CYP4A11: variants seen among roughly 807,000 people sequenced by gnomAD.
CYP4A11 encodes the protein cytochrome P450 family 4 subfamily A member 11, also known as cytochrome P450 4A11.
CYP4A11 carries 52 observed loss-of-function variants against 57.7 expected under a neutral mutation model. The observed-to-expected ratio is 0.90, with a 90% CI of 0.72 to 1.14. The LOEUF (loss-of-function observed/expected upper bound fraction) is 1.14, where lower values mean the gene tolerates loss of function less well. Among genes scored for constraint, CYP4A11 ranks in the 50% most tolerant of loss-of-function variants. The pLI is 0.00. For synonymous variants in CYP4A11, 228 were observed against 247.1 expected (o/e 0.92, Z 0.72); for missense variants, 641 against 642.1 (o/e 1.00, Z 0.02).
rs1177195549 is a variant in CYP4A11, at chr1:46,935,648, C to T, written c.511-1G>A. On this transcript the variant is annotated splice_acceptor_variant, in intron 4 of 11. Coordinates refer to ENST00000310638, the MANE Select transcript of CYP4A11 (RefSeq NM_000778.4). LOFTEE classifies it high-confidence loss of function. The stretch of plus-strand genomic sequence containing the variant: ...GGCCAAGGAGCTCTTCCCATTTGTC[C>T]TGTGGTGGGAGGGGGCATGGACCTT... 6.2e-7 allele frequency: 1 copy of T among 1,612,662 alleles called. No individual in the cohort carries two copies. The highest frequency in any genetic ancestry group is 8.5e-7 in the Non-Finnish European group (1 of 1,179,304).
chr1:46,933,950 G>C lies in CYP4A11; in HGVS notation c.1218C>G (p.Pro406=). 6.2e-7 allele frequency: 1 copy of C among 1,614,114 alleles called. No individual in the cohort carries two copies. The highest frequency in any genetic ancestry group is 8.5e-7 in the Non-Finnish European group (1 of 1,180,018). The change falls in exon 9 of 12, where the codon CCC becomes CCG. Residue 406 remains proline (P), a synonymous_variant. Transcript: ENST00000310638. ...PVTFPDGRSL[P]KGIMVLLSIY... ...GAGGGTGGGGGAACTTCATACCTTT[G>C]GGCAAGGAGCGCCCATCAGGGAAGG...
intron 11 of CYP4A11, chr1:46,932,229 C>A (rs1341963984): frequency 1.0e-6 from 1 of 997,458 alleles, no homozygotes; most frequent in Admixed American, 5.3e-5. Context: ...CTACCTTAAC[C>A]TCTCCCTTAT....
In CYP4A11 at chr1:46,941,375, T is replaced by G; in HGVS notation, c.59A>C (p.Gln20Pro). 6.2e-7 allele frequency: 1 copy of G among 1,614,170 alleles called. No individual in the cohort carries two copies. The highest frequency in any genetic ancestry group is 8.5e-7 in the Non-Finnish European group (1 of 1,180,028). The change falls in exon 1 of 12, where the codon CAA (glutamine) becomes CCA (proline). Residue 20 changes from glutamine (Q) to proline (P), a missense_variant. By Grantham distance (76) the Gln-to-Pro change is moderately conservative (BLOSUM62 -1). Transcript: ENST00000310638. ...RLLGDVSGIL[Q>P]AASLLILLLL... The stretch of plus-strand genomic sequence containing the variant: ...AAGCAGAATGAGCAGGGAGGCCGCT[T>G]GGAGGATTCCAGAGACATCACCCAG...
At chr1:46,932,485 C>A in intron 11 of CYP4A11, 1 of 1,319,174 alleles carries the variant, frequency 7.6e-7, no homozygotes, top group Non-Finnish European at 9.7e-7. Flanking sequence ...GAGGAAAATA[C>A]ATGAATATAC....
Position 46,934,047 on chromosome 1 carries a change from A to G in CYP4A11, c.1121T>C (p.Met374Thr). 6.2e-7 allele frequency: 1 copy of G among 1,613,724 alleles called. No homozygotes were observed. Residue 374 changes from methionine (M) to threonine (T), a missense_variant, in exon 9 of 12, where the codon ATG (methionine) becomes ACG (threonine). Coordinates refer to ENST00000310638, the MANE Select transcript of CYP4A11 (RefSeq NM_000778.4). Reference protein sequence around the residue: ...NHLDQMPYTTMCIKEALRLYP... With the variant: ...NHLDQMPYTTTCIKEALRLYP... ...GAGCCTCAGTGCCTCCTTAATGCAC[A>G]TGGTGGTGTAGGGCATCTGGTCCAG... is the stretch of plus-strand genomic sequence containing the variant.
At chr1:46,936,592 G>T in intron 4 of CYP4A11, 72 bp downstream of exon 4, 1 of 1,503,044 alleles carries the variant, frequency 6.7e-7, no homozygotes, top group Non-Finnish European at 8.9e-7. Flanking sequence ...GTGGGACACA[G>T]GGTTGAGAGT....
At position 46,932,993 on chromosome 1, in the gene CYP4A11, G is replaced by A; in HGVS notation, c.1277C>T (p.Pro426Leu). 6.2e-7 allele frequency: 1 copy of A among 1,614,174 alleles called. No homozygotes were observed. The highest frequency in any genetic ancestry group is 8.5e-7 in the Non-Finnish European group (1 of 1,180,028). ...YGLHHNPKVW[P>L]NPEVFDPFRF... ...TCAAGGACCACATACCTCTGGGTTG[G>A]GCCACACTTTTGGGTTGTGGTGAAG... Residue 426 changes from proline (P) to leucine (L), a missense_variant, in exon 10 of 12, where the codon CCC becomes CTC. By Grantham distance (98) the Pro-to-Leu change is moderately conservative. Coordinates refer to ENST00000310638, the MANE Select transcript of CYP4A11 (RefSeq NM_000778.4).
At chr1:46,940,067 G>T (rs780918528) in intron 1 of CYP4A11, among the ~76,000 whole-genome samples, 8 of 151,750 alleles carry the variant, frequency 5.3e-5, no homozygotes, top group Non-Finnish European at 8.8e-5. Context: ...TACCTGCTCT[G>T]TTCCTACCCG....
At chr1:46,938,182 T>A in intron 1 of CYP4A11, 45 bp from the exon 2 acceptor site, 1 of 1,612,038 alleles carries the variant, frequency 6.2e-7, no homozygotes, top group South Asian at 1.1e-5. Flanking sequence ...TTACTTCTAG[T>A]CTTTGCAGCA....
rs768621659 is a variant in CYP4A11, at chr1:46,936,632, G to T, written c.510+32C>A. On this transcript the variant is annotated intron_variant, in intron 4 of 11. Transcript: ENST00000310638. ...TTGGTGAGAGTGTGTGCTGTGAGTGGGTGTGGGGAGAGGAGAGAGACATGG... is the reference window on the plus strand; with the variant it reads ...TTGGTGAGAGTGTGTGCTGTGAGTGTGTGTGGGGAGAGGAGAGAGACATGG... 8 of 1,558,696 alleles carry T rather than the reference G, an allele frequency of 5.1e-6. No individual in the cohort carries two copies. In the South Asian group the frequency reaches 7.3e-5, roughly 14 times the overall value.
rs759789388 is a variant in CYP4A11 at position 46,932,798 on chromosome 1, G to C, written c.1327C>G (p.His443Asp). Residue 443 changes from histidine to aspartate, a missense_variant, in exon 11 of 12, where the codon CAC (histidine) becomes GAC (aspartate). Physicochemically the swap from His to Asp is moderately conservative, Grantham distance 81. Transcript: ENST00000310638. ...GAGAAGGGCAGGAAAGCGTGGCTGT[G>C]TTGAGCAGAACCCGGTGCAAAACGG... ...PFRFAPGSAQ[H>D]SHAFLPFSGG... 2 of 1,614,228 alleles carry C rather than the reference G, an allele frequency of 1.2e-6. No individual in the cohort carries two copies. The highest frequency in any genetic ancestry group is 2.2e-5 in the East Asian group (1 of 44,892).
intron 1 of CYP4A11, chr1:46,941,016 A>C (rs1681716152): frequency 1.0e-6 from 1 of 983,820 alleles, no homozygotes; most frequent in Non-Finnish European, 1.2e-6. Context: ...TATCTGCAGA[A>C]GGAGGGCACG....
rs142464883 is a variant in CYP4A11 at position 46,934,012 on chromosome 1, C to T, written c.1156G>A (p.Val386Met). The T allele has an allele frequency of 9.2e-5, 148 of 1,614,014 alleles. No homozygotes were observed. The African/African-American group carries it at 1.7e-3, about 19-fold the overall frequency. ...CTGAGCTCTCTGCCAATGCCTGGCA[C>T]CGGTGGGTAGAGCCTCAGTGCCTCC... is the stretch of plus-strand genomic sequence containing the variant. ...IKEALRLYPPVPGIGRELSTP... is the reference protein window; with the variant it reads ...IKEALRLYPPMPGIGRELSTP... The change falls in exon 9 of 12, where the codon GTG (valine) becomes ATG (methionine). Residue 386 changes from valine to methionine, a missense_variant. Transcript: ENST00000310638.
intron 4 of CYP4A11, 45 bp from the exon 5 acceptor site, chr1:46,935,692 C>A: frequency 6.3e-7 from 1 of 1,587,628 alleles, no homozygotes; most frequent in South Asian, 1.1e-5. Context: ...CCAAGAAGTG[C>A]TTTGCTAATA....
intron 9 of CYP4A11, 87 bp downstream of exon 9, chr1:46,933,859 G>A: frequency 6.4e-7 from 1 of 1,560,552 alleles, no homozygotes. Context: ...ACCCAGAGAT[G>A]TGCAGAATTC....
chr1:46,935,443 C>G (rs1012496266), intron 5 of CYP4A11, 80 bp downstream of exon 5: 2 of 1,520,328 alleles, frequency 1.3e-6, no homozygotes, highest in African/African-American at 2.8e-5. Flanking sequence ...TGAGCCTTCA[C>G]GCTGCCCCAC....
intron 11 of CYP4A11, chr1:46,931,731 C>T: frequency 1.5e-6 from 1 of 659,516 alleles, no homozygotes; most frequent in Non-Finnish European, 1.9e-6. Flanking sequence ...GAAGCTTTTT[C>T]TTAAAGCCTG....
chr1:46,933,901 C>T (rs377601630), intron 9 of CYP4A11, 45 bp downstream of exon 9: 10 of 1,608,284 alleles, frequency 6.2e-6, no homozygotes, highest in East Asian at 4.5e-5. Context: ...ACCCTCCACA[C>T]GTCCCTGTGG....
chr1:46,941,208 C>T, intron 1 of CYP4A11, 31 bp downstream of exon 1: 1 of 1,596,398 alleles, frequency 6.3e-7, no homozygotes, highest in South Asian at 1.1e-5. Flanking sequence ...CCCTCTTTGC[C>T]CTCCCACTCC....
Sources: allele counts gnomAD v4.1 joint callset (sites outside exome capture counted in the v4.1 genomes callset), GRCh38; gene constraint gnomAD v4.1.1; transcripts MANE v1.5; gene names NCBI Gene and HGNC (gene_info 2026-07-23, HGNC 2026-07-21).